The following LINGO2 variants were observed in gnomAD, a reference collection of about 807,000 sequenced individuals.
LINGO2 encodes leucine rich repeat and Ig domain containing 2, also known as leucine-rich repeat and immunoglobulin-like domain-containing nogo receptor-interacting protein 2.
In LINGO2, 14 loss-of-function variants were observed where a neutral mutation model predicts 30.6. The observed-to-expected ratio is 0.46, with a 90% CI of 0.30 to 0.72. The LOEUF (loss-of-function observed/expected upper bound fraction) is 0.72. Ranked by LOEUF, LINGO2 falls within the 30% of genes least tolerant of loss-of-function variation. LINGO2 has a pLI of 0.07. For missense variants in LINGO2, 729 were observed against 751.7 expected (o/e 0.97, Z 0.35); for synonymous variants, 317 against 288.5 (o/e 1.10, Z -1.00).
the LINGO2 span, among the ~76,000 whole-genome samples, chr9:28,884,996 T>TAATAA: frequency 6.3e-5 from 1 of 15,898 alleles, no homozygotes; most frequent in Non-Finnish European, 1.4e-4. Flanking sequence ...TAATAATATA[T>TAATAA]TATATATATA....
intron 4 of LINGO2, among the ~76,000 whole-genome samples, chr9:28,221,653 A>T (rs1820971588): frequency 6.6e-6 from 1 of 152,202 alleles, no homozygotes; most frequent in Non-Finnish European, 1.5e-5. Flanking sequence ...ACTGAATTGC[A>T]GCTATTTTTA....
the LINGO2 span, among the ~76,000 whole-genome samples, chr9:28,849,971 C>T: frequency 4.3e-4 from 66 of 152,102 alleles, no homozygotes; most frequent in Non-Finnish European, 8.8e-4. Context: ...ATACCCAGAA[C>T]CTAGCACATT....
the LINGO2 span, among the ~76,000 whole-genome samples, chr9:29,087,795 G>C: frequency 6.6e-6 from 1 of 152,008 alleles, no homozygotes; most frequent in South Asian, 2.1e-4. Context: ...AAGGAAGCTG[G>C]TACTGTCTGG....
chr9:28,652,395 A>C lies in LINGO2; in HGVS notation c.-365+17805T>G, dbSNP rs73445561. Reference sequence around the variant, plus strand: ...GCTTGATACTGCTTAATCCCACTTTAAGTTCTTTGTTTATTTTTGGTGACA... The same window carrying C: ...GCTTGATACTGCTTAATCCCACTTTCAGTTCTTTGTTTATTTTTGGTGACA... On this transcript the variant is annotated intron_variant, in intron 1 of 5. Coordinates refer to ENST00000379992, the Ensembl canonical transcript of LINGO2. Among the ~76,000 whole-genome samples, 1,238 of 152,174 alleles carry C rather than the reference A, an allele frequency of 8.1e-3. 23 individuals are homozygous for C. The highest frequency in any genetic ancestry group is 0.029 in the African/African-American group (1,194 of 41,510).
chr9:29,153,832 C>T, the LINGO2 span, among the ~76,000 whole-genome samples: 6,390 of 152,058 alleles, frequency 0.042, 200 homozygotes, highest in Admixed American at 0.08. Flanking sequence ...TAATAGCAAC[C>T]GATACAGATC....
intron 5 of LINGO2, among the ~76,000 whole-genome samples, chr9:27,961,375 C>A (rs1315553635): frequency 6.6e-6 from 1 of 152,148 alleles, no homozygotes; most frequent in Non-Finnish European, 1.5e-5. Context: ...AGCATATTTC[C>A]ATTTATACTC....
chr9:29,064,668 T>C, the LINGO2 span, among the ~76,000 whole-genome samples: 2 of 152,088 alleles, frequency 1.3e-5, no homozygotes, highest in African/African-American at 4.8e-5. Context: ...TATTAAATAA[T>C]ACATACAGTT....
At chr9:28,582,752 T>A (rs1563841528) in intron 1 of LINGO2, among the ~76,000 whole-genome samples, 1 of 152,112 alleles carries the variant, frequency 6.6e-6, no homozygotes, top group Non-Finnish European at 1.5e-5. Context: ...AGCTCTCCTT[T>A]ACAGTCAATG....
rs777441328 is a variant in LINGO2 at position 28,341,660 on chromosome 9, CCTATTACA to C, written c.-246+31168_-246+31175del. Among the ~76,000 whole-genome samples the C allele has an allele frequency of 6.4e-4, 97 of 152,234 alleles. 2 individuals carry two copies. In the Middle Eastern group the frequency reaches 0.017, roughly 27 times the overall value. On this transcript the variant is annotated intron_variant, in intron 3 of 5. Coordinates refer to ENST00000379992, the Ensembl canonical transcript of LINGO2. Reference sequence around the variant, plus strand: ...TAGTTATTAAGCTTATGAAACTTTACCTATTACAAAACCCTTTTTCAAAATTTAACCAT... The same window carrying C: ...TAGTTATTAAGCTTATGAAACTTTACAAACCCTTTTTCAAAATTTAACCAT...
chr9:28,832,750 T>C, the LINGO2 span, among the ~76,000 whole-genome samples: 1 of 152,204 alleles, frequency 6.6e-6, no homozygotes, highest in Non-Finnish European at 1.5e-5. Flanking sequence ...CTTTCAAACA[T>C]TTCTCTACAT....
At position 28,090,224 on chromosome 9, in the gene LINGO2, T is replaced by C. The variant is rs138794775; in HGVS notation, c.-86-77819A>G. On this transcript the variant is annotated intron_variant, in intron 4 of 5. Coordinates refer to ENST00000379992, the Ensembl canonical transcript of LINGO2. Reference sequence around the variant, plus strand: ...CCTAACTCATTTTATGAGGCCAGCATCATCCTAATATCAAAGCCTGACAGA... The same window carrying C: ...CCTAACTCATTTTATGAGGCCAGCACCATCCTAATATCAAAGCCTGACAGA... Among the ~76,000 whole-genome samples the C allele has an allele frequency of 2.4e-3, 364 of 152,254 alleles. 2 individuals are homozygous for C. The highest frequency in any genetic ancestry group is 8.4e-3 in the African/African-American group (349 of 41,540).
intron 4 of LINGO2, among the ~76,000 whole-genome samples, chr9:28,051,968 A>G (rs1824697863): frequency 6.6e-6 from 1 of 152,082 alleles, no homozygotes; most frequent in East Asian, 1.9e-4. Context: ...GGGCACTGTA[A>G]GCATTGCCTC....
chr9:28,618,050 A>G (rs1032928106), intron 1 of LINGO2, among the ~76,000 whole-genome samples: 5 of 152,190 alleles, frequency 3.3e-5, no homozygotes, highest in Non-Finnish European at 7.3e-5. Context: ...ACCTTCAACT[A>G]GGAACTGGAT....
At chr9:27,997,517 A>G (rs1224322761) in intron 5 of LINGO2, among the ~76,000 whole-genome samples, 3 of 150,872 alleles carry the variant, frequency 2.0e-5, no homozygotes, top group Admixed American at 6.6e-5. Flanking sequence ...ACTCCTGCCT[A>G]TAACATATTT....
At chr9:29,213,566 G>A in the LINGO2 span, among the ~76,000 whole-genome samples, 2 of 152,056 alleles carry the variant, frequency 1.3e-5, no homozygotes, top group African/African-American at 4.8e-5. Context: ...CTGGGGCTTG[G>A]CAGCCGGGCT....
At chr9:28,868,387 TAGTG>T in the LINGO2 span, among the ~76,000 whole-genome samples, 13 of 152,094 alleles carry the variant, frequency 8.5e-5, no homozygotes, top group South Asian at 1.2e-3. Context: ...CTACATAGAA[TAGTG>T]AGTGAGTGAG....
chr9:28,430,109 C>CGCGTGTGTGTGTGTGT (rs569701444), intron 2 of LINGO2, among the ~76,000 whole-genome samples: 1 of 136,100 alleles, frequency 7.3e-6, no homozygotes, highest in African/African-American at 2.6e-5. Context: ...CGCGCGCGCG[C>CGCGTGTGTGTGTGTGT]GTGTGTGTGT....
At chr9:28,676,694 C>A in the LINGO2 span, among the ~76,000 whole-genome samples, 2 of 152,008 alleles carry the variant, frequency 1.3e-5, no homozygotes, top group Admixed American at 6.6e-5. Flanking sequence ...GCTTTGGTGG[C>A]TTACATTTCC....
chr9:28,145,260 A>C (rs1827781768), intron 4 of LINGO2, among the ~76,000 whole-genome samples: 2 of 152,188 alleles, frequency 1.3e-5, no homozygotes, highest in Non-Finnish European at 2.9e-5. Context: ...CGTTGCACAT[A>C]GTGGGGGTTG....
Sources: gnomAD v4.1 joint callset for allele counts (sites outside exome capture counted in the v4.1 genomes callset) on GRCh38, gnomAD v4.1.1 for gene constraint, MANE v1.5 for transcripts, NCBI Gene and HGNC (gene_info 2026-07-23, HGNC 2026-07-21) for gene names.